Variants in TCEA1 observed in about 807,000 individuals in gnomAD.
TCEA1 encodes transcription elongation factor A protein 1.
A neutral mutation model predicts 43.8 loss-of-function variants in TCEA1; 21 were observed. The ratio of observed to expected loss-of-function variants is 0.48; its 90% confidence interval spans 0.34 to 0.69. The LOEUF is 0.69. TCEA1 is among the 30% of genes least tolerant of loss of function. The probability of loss-of-function intolerance (pLI) is 0.01; values close to 1 mark genes in which losing one functional copy is unlikely to be tolerated. For synonymous variants in TCEA1, 104 were observed against 117.5 expected (o/e 0.88, Z 0.75); for missense variants, 250 against 365.1 (o/e 0.68, Z 2.57).
chr8:54,011,222 A>G (rs887267386), intron 1 of TCEA1, among the ~76,000 whole-genome samples: 1 of 152,236 alleles, frequency 6.6e-6, no homozygotes, highest in African/African-American at 2.4e-5. Context: ...GGCTGTTACT[A>G]AAAGTACTTC....
Position 54,008,259 on chromosome 8 carries a change from T to C in TCEA1, c.126+2171A>G, listed in dbSNP as rs1488977163. Among the ~76,000 whole-genome samples the C allele has an allele frequency of 4.0e-5, 6 of 150,674 alleles. 1 individual carries two copies. The South Asian group carries it at 1.0e-3, about 26-fold the overall frequency. On this transcript the variant is annotated intron_variant, in intron 2 of 9. Transcript: ENST00000521604. The stretch of plus-strand genomic sequence containing the variant: ...CAATCTGCTGAACAGGAGAAAATAT[T>C]TGCAAACTATTCATGTGAAAAGGGA...
intron 2 of TCEA1, among the ~76,000 whole-genome samples, chr8:54,000,719 G>A (rs9643823): frequency 0.2 from 30,803 of 151,258 alleles, 4,419 homozygotes; most frequent in East Asian, 0.74. Context: ...AATAAATAAC[G>A]TGCCCAGCAT....
At chr8:54,013,680 C>CAAAAAAAAAAAAAAAAAAAAAAAAAA (rs5891511) in intron 1 of TCEA1, among the ~76,000 whole-genome samples, 4 of 65,298 alleles carry the variant, frequency 6.1e-5, no homozygotes, top group Non-Finnish European at 5.5e-5. Flanking sequence ...AACTCCATCT[C>CAAAAAAAAAAAAAAAAAAAAAAAAAA]AAAAAAAAAA....
At chr8:53,978,420 A>G (rs1420803839) in intron 8 of TCEA1, 1 of 152,188 alleles carries the variant, frequency 6.6e-6, no homozygotes, top group Non-Finnish European at 1.5e-5. Context: ...TAAACTGTAC[A>G]TTGTTCTGAG....
In TCEA1 at chr8:53,984,394, G is replaced by A. The variant is rs755404716; in HGVS notation, c.647C>T (p.Pro216Leu). 5.6e-6 allele frequency: 9 copies of A among 1,603,128 alleles called. No individual in the cohort carries two copies. The highest frequency in any genetic ancestry group is 2.3e-4 in the Middle Eastern group (1 of 4,426). Residue 216 changes from proline (P) to leucine (L), a missense_variant, in exon 7 of 10, where the codon CCT becomes CTT. Around this residue, in one of 4 missense-constraint regions of TCEA1, gnomAD observed 46 missense variants for 109.8 expected, o/e 0.42. Coordinates refer to ENST00000521604, the MANE Select transcript of TCEA1 (RefSeq NM_006756.4). Reference protein sequence around the residue: ...LRKNVLCGNIPPDLFARMTAE... With the variant: ...LRKNVLCGNILPDLFARMTAE... ...TGTCATTCTAGCAAATAAGTCAGGAGGAATATTCCCACAGAGGACATTTTT... is the reference window on the plus strand; with the variant it reads ...TGTCATTCTAGCAAATAAGTCAGGAAGAATATTCCCACAGAGGACATTTTT...
At chr8:53,991,305 A>T (rs529136172) in intron 4 of TCEA1, among the ~76,000 whole-genome samples, 1 of 152,184 alleles carries the variant, frequency 6.6e-6, no homozygotes, top group African/African-American at 2.4e-5. Flanking sequence ...AGACAGGAGA[A>T]TCGCTTGAAC....
chr8:53,992,985 C>A (rs1803928974), intron 4 of TCEA1, among the ~76,000 whole-genome samples: 1 of 149,786 alleles, frequency 6.7e-6, no homozygotes, highest in Non-Finnish European at 1.5e-5. Context: ...TAAGGTCTCA[C>A]TCCATTGCTC....
intron 7 of TCEA1, among the ~76,000 whole-genome samples, chr8:53,981,122 C>G (rs1803487943): frequency 6.6e-6 from 1 of 152,106 alleles, no homozygotes; most frequent in African/African-American, 2.4e-5. Context: ...CTACCAGAAG[C>G]TGGTTCATGA....
intron 1 of TCEA1, among the ~76,000 whole-genome samples, chr8:54,015,327 G>A (rs1440923087): frequency 1.3e-5 from 2 of 151,752 alleles, no homozygotes; most frequent in African/African-American, 2.4e-5. Flanking sequence ...CCACCACCAC[G>A]CCCAACTAAT....
intron 6 of TCEA1, among the ~76,000 whole-genome samples, chr8:53,985,219 G>T (rs1401497283): frequency 6.6e-6 from 1 of 152,120 alleles, no homozygotes; most frequent in Non-Finnish European, 1.5e-5. Context: ...GTTTCACCAT[G>T]TTGGCCAGGC....
At chr8:53,987,048 G>C in intron 5 of TCEA1, 23 bp from the exon 6 acceptor site, 12 of 1,568,976 alleles carry the variant, frequency 7.6e-6, no homozygotes, top group Non-Finnish European at 1.0e-5. Flanking sequence ...ATAAAGAATT[G>C]TCAAATTATT....
chr8:53,981,639 A>G (rs1803504911), intron 7 of TCEA1, among the ~76,000 whole-genome samples: 1 of 152,252 alleles, frequency 6.6e-6, no homozygotes, highest in African/African-American at 2.4e-5. Flanking sequence ...TTAGTCATCA[A>G]TATGCCTAGT....
At chr8:53,978,959 T>C in intron 8 of TCEA1, 66 bp downstream of exon 8, 2 of 1,497,090 alleles carry the variant, frequency 1.3e-6, no homozygotes, top group Non-Finnish European at 1.8e-6. Flanking sequence ...ATCTTTGCTA[T>C]TTATTTTAAA....
intron 2 of TCEA1, among the ~76,000 whole-genome samples, chr8:54,000,302 G>C (rs932752388): frequency 9.9e-5 from 15 of 152,088 alleles, no homozygotes. Flanking sequence ...TGGTTAACTA[G>C]AAAAATGCAA....
rs754537318 is a variant in TCEA1, at chr8:53,996,903, C to CTTTTTTTTTTTTTTTTTTTT, written c.232+3041_232+3042insAAAAAAAAAAAAAAAAAAAA. On this transcript the variant is annotated intron_variant, in intron 3 of 9. Coordinates refer to ENST00000521604, the MANE Select transcript of TCEA1 (RefSeq NM_006756.4). Reference sequence around the variant, plus strand: ...AGCTAAGGGGTAAAAAGAAGGTTGTCTTTTTTTTTTTTTTTAGACAGACTC... The same window carrying CTTTTTTTTTTTTTTTTTTTT: ...AGCTAAGGGGTAAAAAGAAGGTTGTCTTTTTTTTTTTTTTTTTTTTTTTTTTTTTTTTTTTAGACAGACTC... Among the ~76,000 whole-genome samples, 33 of 116,590 alleles carry CTTTTTTTTTTTTTTTTTTTT rather than the reference C, an allele frequency of 2.8e-4. 6 individuals are homozygous for CTTTTTTTTTTTTTTTTTTTT. The highest frequency in any genetic ancestry group is 9.7e-4 in the African/African-American group (26 of 26,732). 76.5% of individuals were successfully genotyped at this position (116,590 alleles called of 152,430 possible). A position where few individuals can be genotyped will look rare whatever the true frequency, so the allele number is the denominator to read the frequency against.
chr8:53,994,465 G>C (rs1803983153), intron 3 of TCEA1, among the ~76,000 whole-genome samples: 1 of 152,102 alleles, frequency 6.6e-6, no homozygotes, highest in South Asian at 2.1e-4. Context: ...TTCTGGGATG[G>C]TAAACAAAAA....
rs114142654 is a variant in TCEA1, at chr8:54,006,069, A to G, written c.126+4361T>C. On this transcript the variant is annotated intron_variant, in intron 2 of 9. Coordinates refer to ENST00000521604, the MANE Select transcript of TCEA1 (RefSeq NM_006756.4). ...AGAACCTAGTCATCTTCTGAGATGT[A>G]GTTTCAGCTTTATCACCTACATAAC... Among the ~76,000 whole-genome samples, 620 of 152,272 alleles carry G rather than the reference A, an allele frequency of 4.1e-3. 4 individuals are homozygous for G. The highest frequency in any genetic ancestry group is 0.014 in the African/African-American group (591 of 41,552).
chr8:54,014,773 T>C (rs926904980), intron 1 of TCEA1, among the ~76,000 whole-genome samples: 2 of 152,232 alleles, frequency 1.3e-5, no homozygotes, highest in African/African-American at 4.8e-5. Context: ...GTTAAGAATA[T>C]GGTGTACATA....
chr8:54,019,569 A>G (rs1031140685), intron 1 of TCEA1, among the ~76,000 whole-genome samples: 8 of 147,352 alleles, frequency 5.4e-5, no homozygotes, highest in Non-Finnish European at 1.2e-4. Context: ...CACTGTCTCA[A>G]AAAAAAAAAA....
Sources: gnomAD v4.1 joint callset for allele counts (sites outside exome capture counted in the v4.1 genomes callset) on GRCh38, gnomAD v4.1.1 for gene constraint, gnomAD v4.1.1 regional missense constraint, MANE v1.5 for transcripts, NCBI Gene and HGNC (gene_info 2026-07-23, HGNC 2026-07-21) for gene names.